KIF26B: variants seen among roughly 807,000 people sequenced by gnomAD.
The protein encoded by KIF26B is kinesin-like protein KIF26B.
A neutral mutation model predicts 151.2 loss-of-function variants in KIF26B; 63 were observed. The ratio of observed to expected loss-of-function variants is 0.42; its 90% CI spans 0.34 to 0.51. The LOEUF is 0.51. Among genes scored for constraint, KIF26B ranks in the 20% least tolerant of loss-of-function variants. The probability of loss-of-function intolerance (pLI) is 0.07; values close to 1 mark genes in which losing one functional copy is unlikely to be tolerated. For missense variants in KIF26B, 2,813 were observed against 2,913.6 expected (o/e 0.97, Z 0.79); for synonymous variants, 1,357 against 1,262.1 (o/e 1.08, Z -1.59).
chr1:245,261,436 G>A (rs965249520), intron 2 of KIF26B, among the ~76,000 whole-genome samples: 4 of 149,792 alleles, frequency 2.7e-5, no homozygotes, highest in African/African-American at 4.9e-5. Flanking sequence ...CAGCTTGTTC[G>A]CGCTCGCTTG....
In KIF26B at chr1:245,324,565, A is replaced by G. The variant is rs543493308; in HGVS notation, c.466-42269A>G. ...ATGAAGCTGAGTGCTTGTGGTTGGG[A>G]TTCCTTCTTTTTCCTCTTTTATTGT... On this transcript the variant is annotated intron_variant, in intron 2 of 14. Transcript: ENST00000407071. Among the ~76,000 whole-genome samples, 15 of 152,036 alleles carry G rather than the reference A, an allele frequency of 9.9e-5. No individual in the cohort carries two copies. The South Asian group carries it at 3.1e-3, about 32-fold the overall frequency.
chr1:245,491,909 G>GA (rs5782351), intron 4 of KIF26B, among the ~76,000 whole-genome samples: 2,163 of 144,356 alleles, frequency 0.015, 58 homozygotes, highest in African/African-American at 0.045. Context: ...AATCTCAAAA[G>GA]AAAAAAAAAA....
At chr1:245,465,042 G>C (rs1355904631) in intron 4 of KIF26B, among the ~76,000 whole-genome samples, 1 of 141,250 alleles carries the variant, frequency 7.1e-6, no homozygotes, top group African/African-American at 2.7e-5. Context: ...GCAGGGGCGC[G>C]ATCTCGGCTC....
chr1:245,543,058 C>T (rs1661660753), intron 5 of KIF26B, among the ~76,000 whole-genome samples: 3 of 152,182 alleles, frequency 2.0e-5, no homozygotes, highest in Non-Finnish European at 4.4e-5. Flanking sequence ...CATCAGAAAC[C>T]GTCCTCCTGC....
rs1671580865 is a variant in KIF26B at position 245,307,605 on chromosome 1, A to T, written c.466-59229A>T. Among the ~76,000 whole-genome samples the T allele has an allele frequency of 2.0e-5, 3 of 152,208 alleles. No individual in the cohort carries two copies. The South Asian group carries it at 6.2e-4, about 31-fold the overall frequency. On this transcript the variant is annotated intron_variant, in intron 2 of 14. Transcript: ENST00000407071. ...GTCTAACAAATGCTGGCTTTTTGTC[A>T]TATCTGCTTTGGATGTTTTTTTAGT... is the stretch of plus-strand genomic sequence containing the variant.
chr1:245,603,992 T>C (rs2043424151), intron 6 of KIF26B, among the ~76,000 whole-genome samples: 1 of 152,192 alleles, frequency 6.6e-6, no homozygotes, highest in Non-Finnish European at 1.5e-5. Context: ...AAGCTGCTAG[T>C]AGATATCTGT....
intron 4 of KIF26B, among the ~76,000 whole-genome samples, chr1:245,453,726 G>A (rs890725411): frequency 3.9e-5 from 6 of 152,256 alleles, no homozygotes; most frequent in African/African-American, 1.2e-4. Flanking sequence ...GATTACAAAC[G>A]ATAGGGGAAA....
intron 4 of KIF26B, among the ~76,000 whole-genome samples, chr1:245,533,151 GC>G (rs1252211323): frequency 6.6e-6 from 1 of 152,130 alleles, no homozygotes. Context: ...TTATCAGATA[GC>G]CTTAATCCTC....
chr1:245,588,355 A>C (rs1490041361), intron 5 of KIF26B, among the ~76,000 whole-genome samples: 1 of 152,168 alleles, frequency 6.6e-6, no homozygotes, highest in Non-Finnish European at 1.5e-5. Flanking sequence ...TGCTGCTTTG[A>C]GTCTCCCACT....
At chr1:245,484,301 G>C (rs1386879620) in intron 4 of KIF26B, among the ~76,000 whole-genome samples, 2 of 151,836 alleles carry the variant, frequency 1.3e-5, no homozygotes, top group African/African-American at 4.8e-5. Flanking sequence ...TTATGTATCT[G>C]TGTTCTCTTA....
At chr1:245,420,615 C>T (rs1426327951) in intron 4 of KIF26B, among the ~76,000 whole-genome samples, 1 of 152,232 alleles carries the variant, frequency 6.6e-6, no homozygotes. Flanking sequence ...AATGCGATAG[C>T]ATCAGATACG....
intron 3 of KIF26B, among the ~76,000 whole-genome samples, chr1:245,368,961 C>T (rs1459486417): frequency 6.6e-6 from 1 of 151,536 alleles, no homozygotes; most frequent in African/African-American, 2.4e-5. Flanking sequence ...CTGGCGAAAA[C>T]CCGTCTCTAT....
chr1:245,509,916 T>C (rs1051771785), intron 4 of KIF26B, among the ~76,000 whole-genome samples: 9 of 152,172 alleles, frequency 5.9e-5, no homozygotes, highest in Non-Finnish European at 1.2e-4. Flanking sequence ...CCGGTTCCTG[T>C]GCTATTACAG....
chr1:245,319,557 C>T (rs1167163678), intron 2 of KIF26B, among the ~76,000 whole-genome samples: 1 of 151,586 alleles, frequency 6.6e-6, no homozygotes, highest in African/African-American at 2.4e-5. Context: ...AAATGTTTTC[C>T]TGTATCTGGA....
intron 3 of KIF26B, among the ~76,000 whole-genome samples, chr1:245,407,967 G>C (rs575020422): frequency 6.6e-6 from 1 of 152,222 alleles, no homozygotes; most frequent in Admixed American, 6.5e-5. Flanking sequence ...TCAGTGCGGG[G>C]AACAAGTGGT....
intron 3 of KIF26B, among the ~76,000 whole-genome samples, chr1:245,379,116 A>G (rs931041057): frequency 6.6e-6 from 1 of 152,242 alleles, no homozygotes; most frequent in African/African-American, 2.4e-5. Context: ...CATAAAGTGA[A>G]TATCAAGCAC....
chr1:245,263,769 T>C (rs1670693902), intron 2 of KIF26B, among the ~76,000 whole-genome samples: 1 of 152,220 alleles, frequency 6.6e-6, no homozygotes, highest in Non-Finnish European at 1.5e-5. Context: ...TTCACCAGTG[T>C]GGCTGATTCC....
At position 245,156,294 on chromosome 1, in the gene KIF26B, T is replaced by G; in HGVS notation, c.76T>G (p.Cys26Gly). ...RGKKYGVNEVCSPTKPAAPFS... is the reference protein window; with the variant it reads ...RGKKYGVNEVGSPTKPAAPFS... The stretch of plus-strand genomic sequence containing the variant: ...GTCTTCCCCGCAGGTGAATGAAGTC[T>G]GCTCGCCCACCAAGCCCGCAGCGCC... The change falls in exon 2 of 15, where the codon TGC becomes GGC. Residue 26 changes from cysteine (C) to glycine (G), a missense_variant. Physicochemically the swap from Cys to Gly is radical, Grantham distance 159. Transcript: ENST00000407071. 6.5e-7 allele frequency: 1 copy of G among 1,547,222 alleles called. No individual in the cohort carries two copies. Among genetic ancestry groups the G allele is most frequent in the Non-Finnish European group, 8.7e-7 (1 of 1,146,036 alleles).
intron 12 of KIF26B, among the ~76,000 whole-genome samples, chr1:245,695,449 G>A (rs985934970): frequency 8.5e-5 from 13 of 152,192 alleles, no homozygotes; most frequent in Non-Finnish European, 1.6e-4. Context: ...AGCCTCAGCT[G>A]GAGGTGCAGG....
Sources: allele counts gnomAD v4.1 joint callset (sites outside exome capture counted in the v4.1 genomes callset), GRCh38; gene constraint gnomAD v4.1.1; transcripts MANE v1.5; gene names NCBI Gene and HGNC (gene_info 2026-07-23, HGNC 2026-07-21).